SLC12A2: variants seen among roughly 807,000 people sequenced by gnomAD.
The protein encoded by SLC12A2 is Na-K-2Cl cotransporter 1.
Under a neutral mutation model 136.3 loss-of-function variants are expected in SLC12A2, and 67 were observed. That is an observed-to-expected ratio of 0.49 (90% confidence interval 0.40 to 0.60). The LOEUF is 0.60. Among genes scored for constraint, SLC12A2 ranks in the 20% least tolerant of loss-of-function variants. The pLI is 0.00. For synonymous variants in SLC12A2, 619 were observed against 562.9 expected (o/e 1.10, Z -1.41); for missense variants, 1,322 against 1,534.7 (o/e 0.86, Z 2.32).
chr5:128,164,054 G>T (rs1233863844), intron 17 of SLC12A2, among the ~76,000 whole-genome samples: 1 of 152,060 alleles, frequency 6.6e-6, no homozygotes, highest in Non-Finnish European at 1.5e-5. Flanking sequence ...TAAATTTTAG[G>T]AAGGAAATGA....
intron 24 of SLC12A2, among the ~76,000 whole-genome samples, chr5:128,183,318 T>C (rs775091790): frequency 7.9e-5 from 12 of 152,208 alleles, no homozygotes; most frequent in Non-Finnish European, 1.6e-4. Context: ...TTCAGAATTC[T>C]TCTAGCAAAG....
intron 17 of SLC12A2, among the ~76,000 whole-genome samples, chr5:128,165,743 C>G (rs970261656): frequency 1.3e-5 from 2 of 152,034 alleles, no homozygotes; most frequent in African/African-American, 4.8e-5. Flanking sequence ...CAGAGTACAG[C>G]AAGTTGTTAT....
chr5:128,175,218 C>T (rs1209767123), intron 20 of SLC12A2, among the ~76,000 whole-genome samples: 3 of 151,996 alleles, frequency 2.0e-5, no homozygotes, highest in African/African-American at 7.2e-5. Context: ...CAAAATATTT[C>T]CCATTCTTTT....
intron 1 of SLC12A2, among the ~76,000 whole-genome samples, chr5:128,088,783 T>C (rs1760198522): frequency 6.6e-6 from 1 of 152,226 alleles, no homozygotes; most frequent in Non-Finnish European, 1.5e-5. Context: ...CTATATTGTC[T>C]TTCATGTGTC....
chr5:128,184,650 AAAAAAT>A lies in SLC12A2; in HGVS notation c.3436-131_3436-126del, dbSNP rs1763812395. On this transcript the variant is annotated intron_variant, in intron 25 of 26. Transcript: ENST00000262461. ...TGAGGTTAGTGGAAAGCATTTTTAAAAAAAATAAAAATAGAGAACAGATATTTTTAT... is the reference window on the plus strand; with the variant it reads ...TGAGGTTAGTGGAAAGCATTTTTAAAAAAAATAGAGAACAGATATTTTTAT... The A allele has an allele frequency of 4.8e-6, 7 of 1,450,312 alleles. No individual in the cohort carries two copies. The East Asian group carries it at 7.2e-5, about 15-fold the overall frequency. 89.8% of individuals were successfully genotyped at this position (1,450,312 alleles called of 1,614,324 possible). A position where few individuals can be genotyped will look rare whatever the true frequency, so the allele number is the denominator to read the frequency against.
chr5:128,127,148 G>T lies in SLC12A2; in HGVS notation c.1049-3919G>T, dbSNP rs548659016. Among the ~76,000 whole-genome samples, 51 of 136,560 alleles carry T rather than the reference G, an allele frequency of 3.7e-4. 2 individuals carry two copies. The highest frequency in any genetic ancestry group is 3.1e-3 in the East Asian group (15 of 4,874). The allele number at this position is 136,560 out of a possible 152,430, so 89.6% of individuals were successfully genotyped here. A position where few individuals can be genotyped will look rare whatever the true frequency, so the allele number is the denominator to read the frequency against. On this transcript the variant is annotated intron_variant, in intron 4 of 26. Coordinates refer to ENST00000262461, the MANE Select transcript of SLC12A2 (RefSeq NM_001046.3). ...TTTTTTTTTTTTTTTTTGAGATGGG[G>T]TCTTGCTCTGTCACCCAGGCTGGAG...
At chr5:128,153,099 AT>A (rs1762757485) in intron 15 of SLC12A2, among the ~76,000 whole-genome samples, 1 of 152,156 alleles carries the variant, frequency 6.6e-6, no homozygotes, top group South Asian at 2.1e-4. Context: ...ATTCATAAAG[AT>A]TTTTTGACAT....
chr5:128,090,802 G>C (rs75184538), intron 1 of SLC12A2, among the ~76,000 whole-genome samples: 126 of 152,260 alleles, frequency 8.3e-4, no homozygotes, highest in African/African-American at 3.0e-3. Context: ...AGTGTGCTTG[G>C]TGTGATGGAG....
intron 1 of SLC12A2, among the ~76,000 whole-genome samples, chr5:128,085,891 T>G (rs1459960864): frequency 6.6e-6 from 1 of 152,220 alleles, no homozygotes; most frequent in African/African-American, 2.4e-5. Flanking sequence ...TCATTTAGCT[T>G]TAGATAATAC....
chr5:128,151,588 T>C (rs1251884715), intron 14 of SLC12A2, among the ~76,000 whole-genome samples, 192 bp downstream of exon 14: 1 of 151,998 alleles, frequency 6.6e-6, no homozygotes, highest in Non-Finnish European at 1.5e-5. Context: ...GTAGTTTTAA[T>C]AAAACAGTTA....
At chr5:128,160,359 G>T (rs2126732921) in intron 16 of SLC12A2, among the ~76,000 whole-genome samples, 1 of 152,118 alleles carries the variant, frequency 6.6e-6, no homozygotes, top group East Asian at 1.9e-4. Context: ...TGCATATTCT[G>T]CACATGTATC....
intron 1 of SLC12A2, among the ~76,000 whole-genome samples, chr5:128,099,942 A>G (rs924061929): frequency 6.6e-5 from 10 of 152,190 alleles, no homozygotes; most frequent in Non-Finnish European, 8.8e-5. Context: ...TTAAGTAAGT[A>G]GAAGTAAGCT....
intron 1 of SLC12A2, among the ~76,000 whole-genome samples, chr5:128,098,618 G>C (rs1760631248): frequency 6.6e-6 from 1 of 151,576 alleles, no homozygotes; most frequent in South Asian, 2.1e-4. Context: ...ATATTCTTCT[G>C]AAAATTATTG....
chr5:128,088,230 T>G (rs1197510238), intron 1 of SLC12A2, among the ~76,000 whole-genome samples: 1 of 152,058 alleles, frequency 6.6e-6, no homozygotes, highest in East Asian at 1.9e-4. Context: ...AAGGAAGAGC[T>G]GCCATACTGT....
At chr5:128,121,662 G>C (rs1304319435) in intron 4 of SLC12A2, among the ~76,000 whole-genome samples, 1 of 152,134 alleles carries the variant, frequency 6.6e-6, no homozygotes, top group Non-Finnish European at 1.5e-5. Context: ...GCAGATTAGA[G>C]AATCATCACT....
Position 128,151,279 on chromosome 5 carries a change from T to C in SLC12A2, c.2146T>C (p.Ser716Pro), listed in dbSNP as rs759418439. ...PAFKYYNMWI[S>P]LLGAILCCIV... ...ATTCAAATACTACAACATGTGGATA[T>C]CACTTCTTGGAGCAATTCTTTGTTG... is the stretch of plus-strand genomic sequence containing the variant. Residue 716 changes from serine to proline, a missense_variant, in exon 14 of 27, where the codon TCA (serine) becomes CCA (proline). By Grantham distance (74) the Ser-to-Pro change is moderately conservative (BLOSUM62 -1). Around this residue, in one of 8 missense-constraint regions of SLC12A2, gnomAD observed 294 missense variants for 436.6 expected, o/e 0.67. Transcript: ENST00000262461. 4 of 1,609,986 alleles carry C rather than the reference T, an allele frequency of 2.5e-6. No individual in the cohort carries two copies. The highest frequency in any genetic ancestry group is 3.4e-6 in the Non-Finnish European group (4 of 1,178,692).
chr5:128,121,017 C>A (rs1028019006), intron 4 of SLC12A2, among the ~76,000 whole-genome samples: 1 of 151,992 alleles, frequency 6.6e-6, no homozygotes, highest in Non-Finnish European at 1.5e-5. Context: ...TGCAGCTTTG[C>A]GGAAGTGTGA....
chr5:128,134,077 G>A (rs370619701), intron 5 of SLC12A2, 88 bp from the exon 6 acceptor site: 45 of 688,942 alleles, frequency 6.5e-5, no homozygotes, highest in Middle Eastern at 4.3e-4. Context: ...GTAAGGCACC[G>A]TAATATCTCT....
intron 15 of SLC12A2, among the ~76,000 whole-genome samples, chr5:128,153,882 G>A (rs1762789153): frequency 1.3e-5 from 2 of 151,970 alleles, no homozygotes; most frequent in Non-Finnish European, 1.5e-5. Context: ...CAGCTTTAGG[G>A]TAGACAGAAA....
Sources: allele counts gnomAD v4.1 joint callset (sites outside exome capture counted in the v4.1 genomes callset), GRCh38; gene constraint gnomAD v4.1.1; regional missense constraint gnomAD v4.1.1; transcripts MANE v1.5; gene names NCBI Gene and HGNC (gene_info 2026-07-23, HGNC 2026-07-21).